Variants in TUT4 observed in about 807,000 individuals in gnomAD.
TUT4 encodes the protein terminal uridylyltransferase 4.
TUT4 carries 36 observed loss-of-function variants against 192.2 expected under a neutral mutation model. The observed-to-expected ratio is 0.19, with a 90% confidence interval of 0.14 to 0.25. The LOEUF (loss-of-function observed/expected upper bound fraction) is 0.25, where lower values mean the gene tolerates loss of function less well. TUT4 is among the 10% of genes least tolerant of loss of function. TUT4 has a pLI of 1.00. For missense variants in TUT4, 1,493 were observed against 1,957.2 expected (o/e 0.76, Z 4.47); for synonymous variants, 618 against 666.0 (o/e 0.93, Z 1.11).
intron 3 of TUT4, among the ~76,000 whole-genome samples, chr1:52,511,613 T>C (rs1480727252): frequency 6.6e-6 from 1 of 152,094 alleles, no homozygotes; most frequent in Non-Finnish European, 1.5e-5. Context: ...TTAAGCTGTG[T>C]GGATATCTGA....
chr1:52,477,985 G>A, intron 11 of TUT4, 103 bp from the exon 12 acceptor site: 1 of 1,113,462 alleles, frequency 9.0e-7, no homozygotes, highest in Non-Finnish European at 1.3e-6. Context: ...CAAAAACTGA[G>A]ACATGAAGGA....
At chr1:52,531,458 T>C (rs918013962) in intron 1 of TUT4, among the ~76,000 whole-genome samples, 32 of 152,262 alleles carry the variant, frequency 2.1e-4, no homozygotes, top group African/African-American at 7.5e-4. Flanking sequence ...GTGAACAATC[T>C]GATTCGTGTC....
At position 52,546,242 on chromosome 1, in the gene TUT4, T is replaced by C. The variant is rs965436643; in HGVS notation, c.-94+6689A>G. On this transcript the variant is annotated intron_variant, in intron 1 of 29. Coordinates refer to ENST00000257177, the MANE Select transcript of TUT4 (RefSeq NM_001009881.3). ...ATTGAAAGCAGGCTAAGAGATACTG[T>C]ACACTCATGTTCACAGCAGCATCAT... 2.6e-5 allele frequency among the ~76,000 whole-genome samples: 4 copies of C among 152,196 alleles called. No individual in the cohort carries two copies. In the East Asian group the frequency reaches 5.8e-4, roughly 22 times the overall value.
At chr1:52,478,448 TA>T (rs1255850690) in intron 11 of TUT4, among the ~76,000 whole-genome samples, 1 of 152,212 alleles carries the variant, frequency 6.6e-6, no homozygotes, top group Non-Finnish European at 1.5e-5. Context: ...AGCTCACACT[TA>T]TACATAAGGT....
Position 52,497,130 on chromosome 1 carries a change from G to A in TUT4, c.1053C>T (p.His351=). 6.2e-7 allele frequency: 1 copy of A among 1,613,624 alleles called. No homozygotes were observed. The change falls in exon 5 of 30, where the codon CAC becomes CAT. Residue 351 remains histidine, a synonymous_variant. Transcript: ENST00000257177. ...LRSLPPPSPA[H]LAALSVAVIE... ...TGACTGCAACACTTAAAGCAGCCAAGTGGGCAGGGGAAGGAGGTGGCAGAG... is the reference window on the plus strand; with the variant it reads ...TGACTGCAACACTTAAAGCAGCCAAATGGGCAGGGGAAGGAGGTGGCAGAG...
At chr1:52,550,830 T>C (rs572412223) in intron 1 of TUT4, among the ~76,000 whole-genome samples, 8 of 152,192 alleles carry the variant, frequency 5.3e-5, no homozygotes, top group Non-Finnish European at 1.2e-4. Flanking sequence ...TTTGTTTCTC[T>C]GAAACTAGAA....
chr1:52,479,186 AGAGT>A (rs1435605105), intron 11 of TUT4, among the ~76,000 whole-genome samples: 1 of 152,166 alleles, frequency 6.6e-6, no homozygotes, highest in African/African-American at 2.4e-5. Flanking sequence ...AAACCAAGAT[AGAGT>A]GAGAGGAAGA....
intron 20 of TUT4, among the ~76,000 whole-genome samples, chr1:52,453,384 A>C (rs1412187606): frequency 6.7e-6 from 1 of 149,000 alleles, no homozygotes; most frequent in East Asian, 1.9e-4. Flanking sequence ...CTCCGTCTCA[A>C]AAAAAAAAAA....
intron 13 of TUT4, among the ~76,000 whole-genome samples, chr1:52,472,985 T>C: frequency 6.6e-6 from 1 of 152,110 alleles, no homozygotes; most frequent in East Asian, 1.9e-4. Context: ...ACTACAAGAA[T>C]CTCTATCACC....
chr1:52,530,412 C>A (rs1037322894), intron 1 of TUT4, among the ~76,000 whole-genome samples: 1 of 152,066 alleles, frequency 6.6e-6, no homozygotes, highest in African/African-American at 2.4e-5. Context: ...TACAGGCATG[C>A]AATGTAAAAC....
chr1:52,499,196 C>T (rs112236778), intron 4 of TUT4, among the ~76,000 whole-genome samples: 1,965 of 151,450 alleles, frequency 0.013, 22 homozygotes, highest in Middle Eastern at 0.021. Context: ...GTCAGGAGTT[C>T]GAGACCAGAC....
At chr1:52,445,622 G>T (rs1054026196) in intron 24 of TUT4, among the ~76,000 whole-genome samples, 165 bp downstream of exon 24, 1 of 152,052 alleles carries the variant, frequency 6.6e-6, no homozygotes, top group Non-Finnish European at 1.5e-5. Context: ...ATAAAATTTT[G>T]AAAATATATA....
chr1:52,533,772 G>A (rs1478178712), intron 1 of TUT4, among the ~76,000 whole-genome samples: 2 of 152,068 alleles, frequency 1.3e-5, no homozygotes, highest in African/African-American at 4.8e-5. Context: ...GTTCAAGACT[G>A]GCCTGGCATG....
intron 15 of TUT4, among the ~76,000 whole-genome samples, chr1:52,466,263 C>T (rs1353293731): frequency 6.6e-6 from 1 of 152,072 alleles, no homozygotes; most frequent in Admixed American, 6.6e-5. Flanking sequence ...AATCCCAGCG[C>T]TTCAGGAAGC....
intron 3 of TUT4, among the ~76,000 whole-genome samples, chr1:52,513,388 T>C (rs1313191403): frequency 2.4e-5 from 2 of 82,914 alleles, no homozygotes; most frequent in Non-Finnish European, 3.8e-5. Flanking sequence ...AATGAGACCC[T>C]GTCTCAAAAA....
At chr1:52,446,696 G>A (rs766806652) in intron 20 of TUT4, 29 bp from the exon 21 acceptor site, 1 of 1,540,744 alleles carries the variant, frequency 6.5e-7, no homozygotes, top group South Asian at 1.2e-5. Flanking sequence ...TGTATTATTA[G>A]ATTTCAAGTG....
chr1:52,525,462 A>C (rs1681503423), intron 2 of TUT4, 101 bp downstream of exon 2: 1 of 1,431,434 alleles, frequency 7.0e-7, no homozygotes, highest in Non-Finnish European at 9.2e-7. Flanking sequence ...AAAAGTGCTA[A>C]ACAATTATGT....
At chr1:52,454,467 AC>A (rs1266590375) in intron 20 of TUT4, among the ~76,000 whole-genome samples, 7 of 152,274 alleles carry the variant, frequency 4.6e-5, no homozygotes, top group Non-Finnish European at 1.0e-4. Context: ...CAAAGACAAT[AC>A]AGTGGAGAAA....
chr1:52,439,221 C>T (rs1654771349), intron 24 of TUT4, among the ~76,000 whole-genome samples: 1 of 152,066 alleles, frequency 6.6e-6, no homozygotes, highest in Non-Finnish European at 1.5e-5. Flanking sequence ...AGTGGCGAAA[C>T]TCTGTCTCTA....
Sources: gnomAD v4.1 joint callset for allele counts (sites outside exome capture counted in the v4.1 genomes callset) on GRCh38, gnomAD v4.1.1 for gene constraint, MANE v1.5 for transcripts, NCBI Gene and HGNC (gene_info 2026-07-23, HGNC 2026-07-21) for gene names.